Variants in PRR16 observed in about 807,000 individuals in gnomAD.
PRR16 encodes the protein protein Largen.
Under a neutral mutation model 18.2 loss-of-function variants are expected in PRR16, and 6 were observed. That is an observed-to-expected ratio of 0.33 (90% CI 0.18 to 0.65). The LOEUF (loss-of-function observed/expected upper bound fraction) is 0.65, where lower values mean the gene tolerates loss of function less well. PRR16 is among the 30% of genes least tolerant of loss of function. The pLI, the probability that PRR16 is intolerant of heterozygous loss-of-function variation, is 0.74. For missense variants in PRR16, 412 were observed against 376.6 expected (o/e 1.09, Z -0.78); for synonymous variants, 151 against 147.8 (o/e 1.02, Z -0.16).
the PRR16 span, among the ~76,000 whole-genome samples, chr5:120,779,564 T>C: frequency 2.6e-5 from 4 of 152,290 alleles, no homozygotes; most frequent in African/African-American, 9.6e-5. Context: ...TCGTGTGCTT[T>C]TCTGTGTTCG....
intron 1 of PRR16, among the ~76,000 whole-genome samples, chr5:120,643,134 G>A (rs1242067643): frequency 6.6e-6 from 1 of 151,536 alleles, no homozygotes; most frequent in African/African-American, 2.4e-5. Context: ...GAATTCAAAT[G>A]TAAGCTTATT....
the PRR16 span, among the ~76,000 whole-genome samples, chr5:120,783,742 T>C: frequency 6.6e-6 from 1 of 152,146 alleles, no homozygotes; most frequent in African/African-American, 2.4e-5. Context: ...CCACTCTAGT[T>C]ATTTGGAAAT....
chr5:120,729,801 C>T, the PRR16 span, among the ~76,000 whole-genome samples: 8 of 152,046 alleles, frequency 5.3e-5, no homozygotes, highest in Non-Finnish European at 1.5e-5. Context: ...GGGAAAACTG[C>T]CATTGGTTTG....
At chr5:120,674,488 T>G (rs533964552) in intron 1 of PRR16, among the ~76,000 whole-genome samples, 1 of 152,364 alleles carries the variant, frequency 6.6e-6, no homozygotes, top group Non-Finnish European at 1.5e-5. Flanking sequence ...AATAATTTGT[T>G]CTGGAACTTT....
In PRR16 at chr5:120,521,842, C is replaced by A. The variant is rs1440333681; in HGVS notation, c.159+57197C>A. 4.6e-5 allele frequency among the ~76,000 whole-genome samples: 7 copies of A among 152,104 alleles called. No individual in the cohort carries two copies. The South Asian group carries it at 1.4e-3, about 31-fold the overall frequency. ...CCCCTTTCCCTTACCCCACCATAGG[C>A]CCCTGTGTGTGGTGTTCCCCACCCT... On this transcript the variant is annotated intron_variant, in intron 1 of 1. Coordinates refer to ENST00000407149, the MANE Select transcript of PRR16 (RefSeq NM_001300783.2).
chr5:120,516,628 GC>G (rs1245044965), intron 1 of PRR16, among the ~76,000 whole-genome samples: 6 of 151,914 alleles, frequency 3.9e-5, no homozygotes, highest in African/African-American at 1.5e-4. Context: ...GTGCATGGAC[GC>G]TTTTATATAT....
At chr5:120,574,195 A>T (rs910312617) in intron 1 of PRR16, among the ~76,000 whole-genome samples, 1 of 152,284 alleles carries the variant, frequency 6.6e-6, no homozygotes, top group Admixed American at 6.5e-5. Flanking sequence ...GAAATTTGTA[A>T]TATCTATACT....
intron 1 of PRR16, among the ~76,000 whole-genome samples, chr5:120,630,675 G>A (rs1020353605): frequency 6.6e-6 from 1 of 152,056 alleles, no homozygotes; most frequent in East Asian, 1.9e-4. Context: ...AACAGATGGT[G>A]CAGCTGTTCT....
intron 1 of PRR16, among the ~76,000 whole-genome samples, chr5:120,505,107 A>G (rs1750597468): frequency 6.6e-6 from 1 of 152,182 alleles, no homozygotes; most frequent in Non-Finnish European, 1.5e-5. Context: ...GATTAATTTA[A>G]TCCTCCCCTC....
At chr5:120,782,800 A>G in the PRR16 span, among the ~76,000 whole-genome samples, 3 of 152,262 alleles carry the variant, frequency 2.0e-5, no homozygotes, top group South Asian at 2.1e-4. Flanking sequence ...GTAATTTGGA[A>G]CTAATGTTAA....
chr5:120,715,570 C>T, the PRR16 span, among the ~76,000 whole-genome samples: 1 of 152,188 alleles, frequency 6.6e-6, no homozygotes, highest in Non-Finnish European at 1.5e-5. Context: ...CTTATCAATG[C>T]TATCTGCAAT....
intron 1 of PRR16, among the ~76,000 whole-genome samples, chr5:120,583,475 G>A (rs954302670): frequency 3.3e-5 from 5 of 152,056 alleles, no homozygotes; most frequent in Admixed American, 1.3e-4. Context: ...AACTTGGTAG[G>A]GGTTAGGCCA....
At chr5:120,484,992 G>C (rs1043180021) in intron 1 of PRR16, among the ~76,000 whole-genome samples, 1 of 151,572 alleles carries the variant, frequency 6.6e-6, no homozygotes, top group Non-Finnish European at 1.5e-5. Flanking sequence ...ATGATTCCAT[G>C]GGAGAAGGAA....
At chr5:120,697,368 G>C in the PRR16 span, among the ~76,000 whole-genome samples, 1 of 152,214 alleles carries the variant, frequency 6.6e-6, no homozygotes, top group South Asian at 2.1e-4. Flanking sequence ...TGTCAGACAC[G>C]AAGATAAAAA....
the PRR16 span, among the ~76,000 whole-genome samples, chr5:120,754,239 A>ATATATATAC: frequency 9.3e-6 from 1 of 107,740 alleles, no homozygotes; most frequent in Non-Finnish European, 1.7e-5. Flanking sequence ...ATAATATATA[A>ATATATATAC]TTAGATATTA....
the PRR16 span, among the ~76,000 whole-genome samples, chr5:120,725,040 T>C: frequency 2.2e-4 from 34 of 152,078 alleles, no homozygotes; most frequent in Non-Finnish European, 3.8e-4. Context: ...GAGAAGATAA[T>C]TGAAAAGATA....
intron 1 of PRR16, among the ~76,000 whole-genome samples, chr5:120,509,589 C>T (rs1180888628): frequency 6.6e-6 from 1 of 152,000 alleles, no homozygotes; most frequent in East Asian, 1.9e-4. Flanking sequence ...AGTATCTAGG[C>T]ATTATCTGGT....
In PRR16 at chr5:120,574,077, A is replaced by G. The variant is rs549404833; in HGVS notation, c.159+109432A>G. Among the ~76,000 whole-genome samples the G allele has an allele frequency of 7.9e-5, 12 of 152,266 alleles. No homozygotes were observed. In the South Asian group the frequency reaches 2.5e-3, roughly 32 times the overall value. ...AATACAGAAGCTCTAACTGTAATGG[A>G]AAAACATTAATAACCTCAAAAACAT... On this transcript the variant is annotated intron_variant, in intron 1 of 1. Coordinates refer to ENST00000407149, the MANE Select transcript of PRR16 (RefSeq NM_001300783.2).
intron 1 of PRR16, among the ~76,000 whole-genome samples, chr5:120,508,733 T>A (rs1750726450): frequency 1.3e-5 from 2 of 152,104 alleles, no homozygotes; most frequent in South Asian, 4.1e-4. Context: ...ACTTTGAGTG[T>A]TTTCCCCATA....
Sources: allele counts gnomAD v4.1 joint callset (sites outside exome capture counted in the v4.1 genomes callset), GRCh38; gene constraint gnomAD v4.1.1; transcripts MANE v1.5; gene names NCBI Gene and HGNC (gene_info 2026-07-23, HGNC 2026-07-21).